The following UNC13B variants were observed in gnomAD, a reference collection of about 807,000 sequenced individuals.
UNC13B encodes the protein protein unc-13 homolog B.
UNC13B carries 144 observed loss-of-function variants against 211.0 expected under a neutral mutation model. The ratio of observed to expected loss-of-function variants is 0.68; its 90% confidence interval spans 0.60 to 0.78. The LOEUF is 0.78. Ranked by LOEUF, UNC13B falls within the 30% of genes least tolerant of loss-of-function variation. UNC13B has a pLI of 0.00. For missense variants in UNC13B, 1,777 were observed against 2,002.0 expected, an observed-to-expected ratio of 0.89 and a Z score of 2.14; for synonymous variants, 709 against 725.8, an observed-to-expected ratio of 0.98 and a Z score of 0.37.
At position 35,301,267 on chromosome 9, in the gene UNC13B, C is replaced by G. The variant is rs1477944853; in HGVS notation, c.1863C>G (p.His621Gln). The change falls in exon 9 of 40, where the codon CAC (histidine) becomes CAG (glutamine). Residue 621 changes from histidine to glutamine, a missense_variant. His to Gln is a conservative substitution (Grantham distance 24, BLOSUM62 0). Transcript: ENST00000635942. ...DRHRKTSENEHMGNKTGSLYF... is the reference protein window; with the variant it reads ...DRHRKTSENEQMGNKTGSLYF... Reference sequence around the variant, plus strand: ...ATAGAAAAACCTCTGAAAATGAGCACATGGGTAATAAAACTGGGAGTTTAT... The same window carrying G: ...ATAGAAAAACCTCTGAAAATGAGCAGATGGGTAATAAAACTGGGAGTTTAT... 2.5e-6 allele frequency: 1 copy of G among 398,636 alleles called. No homozygotes were observed. The highest frequency in any genetic ancestry group is 4.4e-6 in the Non-Finnish European group (1 of 225,954). The allele number at this position is 398,636 out of a possible 1,614,324, so 24.7% of individuals were successfully genotyped here. A position where few individuals can be genotyped will look rare whatever the true frequency, so the allele number is the denominator to read the frequency against.
chr9:35,368,721 G>GGT (rs1833928920), intron 12 of UNC13B, among the ~76,000 whole-genome samples: 1 of 135,778 alleles, frequency 7.4e-6, no homozygotes, highest in African/African-American at 2.7e-5. Context: ...GTCAGTATCT[G>GGT]TTTTTTTTTT....
chr9:35,367,062 TGGGAAGCA>T, intron 12 of UNC13B, 69 bp downstream of exon 12: 1 of 1,489,584 alleles, frequency 6.7e-7, no homozygotes, highest in Non-Finnish European at 9.4e-7. Context: ...GCTTTTCCCC[TGGGAAGCA>T]GGGGAACCAG....
Position 35,396,878 on chromosome 9 carries a change from A to C in UNC13B, c.11473A>C (p.Asn3825His), listed in dbSNP as rs1835916239. The change falls in exon 28 of 40, where the codon AAT (asparagine) becomes CAT (histidine). Residue 3825 changes from asparagine to histidine, a missense_variant. By Grantham distance (68) the Asn-to-His change is moderately conservative. Coordinates refer to ENST00000635942, the MANE Select transcript of UNC13B (RefSeq NM_001371189.2). ...EQFVLQWLDE[N>H]EDVSLEFLRG... ...GTTCGTGCTACAATGGCTGGATGAG[A>C]ATGAGGATGTATCCCTGGAATTCCT... 1 of 1,614,008 alleles carries C rather than the reference A, an allele frequency of 6.2e-7. No homozygotes were observed. The highest frequency in any genetic ancestry group is 8.5e-7 in the Non-Finnish European group (1 of 1,179,992).
intron 11 of UNC13B, among the ~76,000 whole-genome samples, chr9:35,314,901 T>C (rs954578385): frequency 2.4e-4 from 33 of 138,382 alleles, no homozygotes; most frequent in Admixed American, 6.5e-4. Context: ...TTTTTTTTTT[T>C]TGAGTTCAGG....
In UNC13B at chr9:35,162,243, G is replaced by C. The variant is rs371920951; in HGVS notation, c.-41G>C. ...CTGAGAGGAAAGAGGGAGCGGTCCG[G>C]CGCGGCTGGGGCGCGGCAGAGGCTT... On this transcript the variant is annotated 5_prime_UTR_variant, in exon 1 of 40. Coordinates refer to ENST00000635942, the MANE Select transcript of UNC13B (RefSeq NM_001371189.2). The C allele has an allele frequency of 3.0e-5, 46 of 1,542,296 alleles. No individual in the cohort carries two copies. Among genetic ancestry groups the C allele is most frequent in the Non-Finnish European group, 4.0e-5 (46 of 1,146,862 alleles).
rs747271245 is a variant in UNC13B, at chr9:35,382,510, A to G, written c.10806+3A>G. The G allele has an allele frequency of 2.5e-6, 4 of 1,611,018 alleles. No homozygotes were observed. Among genetic ancestry groups the G allele is most frequent in the East Asian group, 2.2e-5 (1 of 44,864 alleles). On this transcript the variant is annotated splice_donor_region_variant and intron_variant, in intron 21 of 39. Coordinates refer to ENST00000635942, the MANE Select transcript of UNC13B (RefSeq NM_001371189.2). The stretch of plus-strand genomic sequence containing the variant: ...GCTTTGCAGCCTCCAACTTTGGGGT[A>G]AGTATCATGTAAACACATATGTCTG...
intron 11 of UNC13B, chr9:35,361,711 G>A (rs1459307086): frequency 1.3e-5 from 2 of 152,222 alleles, no homozygotes; most frequent in East Asian, 1.9e-4. Flanking sequence ...ACAACATACT[G>A]TCTTAGAAGT....
intron 11 of UNC13B, among the ~76,000 whole-genome samples, chr9:35,329,670 G>A (rs191258705): frequency 2.0e-5 from 3 of 151,800 alleles, no homozygotes; most frequent in African/African-American, 4.8e-5. Flanking sequence ...TATATTTTTT[G>A]TGGAGATGGG....
At chr9:35,183,268 A>C (rs1822074315) in intron 1 of UNC13B, among the ~76,000 whole-genome samples, 1 of 110,842 alleles carries the variant, frequency 9.0e-6, no homozygotes, top group Non-Finnish European at 1.8e-5. Flanking sequence ...GGAGCCCCTC[A>C]CCTCCCAGGC....
Position 35,268,496 on chromosome 9 carries a change from G to A in UNC13B, c.526+9446G>A, listed in dbSNP as rs1008441598. 5.3e-5 allele frequency among the ~76,000 whole-genome samples: 8 copies of A among 152,272 alleles called. No homozygotes were observed. In the East Asian group the frequency reaches 1.4e-3, roughly 26 times the overall value. On this transcript the variant is annotated intron_variant, in intron 7 of 39. Transcript: ENST00000635942. ...TAGCCAGGTGTGGTGGCGGGCACCTGTAATCCTAGCTACTCGGGAGGCTGA... is the reference window on the plus strand; with the variant it reads ...TAGCCAGGTGTGGTGGCGGGCACCTATAATCCTAGCTACTCGGGAGGCTGA...
chr9:35,272,247 G>GT (rs1161586966), intron 7 of UNC13B, among the ~76,000 whole-genome samples: 62 of 123,942 alleles, frequency 5.0e-4, no homozygotes, highest in Admixed American at 1.1e-3. Context: ...TGTTTTTTTT[G>GT]TTTTTTTTTG....
At chr9:35,243,149 C>T (rs1001549670) in intron 5 of UNC13B, 142 bp from the exon 6 acceptor site, 1 of 733,050 alleles carries the variant, frequency 1.4e-6, no homozygotes, top group African/African-American at 1.8e-5. Flanking sequence ...ATGTTCATGA[C>T]AAGAACCAAA....
At chr9:35,389,588 A>G (rs1029374882) in intron 24 of UNC13B, among the ~76,000 whole-genome samples, 2 of 152,208 alleles carry the variant, frequency 1.3e-5, no homozygotes, top group South Asian at 2.1e-4. Flanking sequence ...GAGGATGGGC[A>G]TCCTTATGTC....
In UNC13B at chr9:35,303,598, A is replaced by G. The variant is rs1829789082; in HGVS notation, c.4194A>G (p.Ser1398=). 2.5e-6 allele frequency: 1 copy of G among 398,658 alleles called. No individual in the cohort carries two copies. Among genetic ancestry groups the G allele is most frequent in the Non-Finnish European group, 4.4e-6 (1 of 225,846 alleles). The allele number at this position is 398,658 out of a possible 1,614,324, so 24.7% of individuals were successfully genotyped here. Residue 1398 remains serine, a synonymous_variant, in exon 9 of 40, where the codon TCA becomes TCG. Coordinates refer to ENST00000635942, the MANE Select transcript of UNC13B (RefSeq NM_001371189.2). ...GCTTGTGGCTTGACTCAGAAAACTC[A>G]GTGATAAATTTTTGCCAAAAAGATC... The part of the protein sequence containing the change: ...DACLWLDSEN[S]VINFCQKDQN...
At chr9:35,347,011 C>G (rs1039819927) in intron 11 of UNC13B, among the ~76,000 whole-genome samples, 1 of 152,042 alleles carries the variant, frequency 6.6e-6, no homozygotes. Context: ...AGCGATCCTC[C>G]CACTTCAGCC....
chr9:35,263,423 G>A (rs553343396), intron 7 of UNC13B, among the ~76,000 whole-genome samples: 47 of 150,950 alleles, frequency 3.1e-4, no homozygotes, highest in African/African-American at 1.0e-3. Flanking sequence ...ACCAAAATCC[G>A]TGCATACTCA....
At position 35,386,412 on chromosome 9, in the gene UNC13B, G is replaced by A; in HGVS notation, c.11094+119G>A. 5.8e-6 allele frequency: 8 copies of A among 1,388,420 alleles called. No homozygotes were observed. In the South Asian group the frequency reaches 1.1e-4, roughly 19 times the overall value. 86.0% of individuals were successfully genotyped at this position (1,388,420 alleles called of 1,614,324 possible). ...AAGTACTTGATGTTCTCAAGGGTGA[G>A]TGAGTTGTGGAGTATGAACCATGTG... On this transcript the variant is annotated intron_variant, in intron 24 of 39. Transcript: ENST00000635942.
At position 35,231,217 on chromosome 9, in the gene UNC13B, G is replaced by A; in HGVS notation, c.150G>A (p.Met50Ile). ...GDQPSWEQDF[M>I]FEISRLDLGL... ...AGCCTTCCTGGGAACAGGATTTCATGTTGTAAGTATTTTGCAGCAGCAGTG... is the reference window on the plus strand; with the variant it reads ...AGCCTTCCTGGGAACAGGATTTCATATTGTAAGTATTTTGCAGCAGCAGTG... The change falls in exon 3 of 40, where the codon ATG becomes ATA. Residue 50 changes from methionine to isoleucine, a missense_variant and splice_region_variant. Physicochemically the swap from Met to Ile is conservative, Grantham distance 10 (BLOSUM62 1). Transcript: ENST00000635942. The A allele has an allele frequency of 6.2e-7, 1 of 1,608,132 alleles. No individual in the cohort carries two copies.
chr9:35,189,735 T>C (rs2131336358), intron 1 of UNC13B, among the ~76,000 whole-genome samples: 1 of 152,314 alleles, frequency 6.6e-6, no homozygotes, highest in East Asian at 1.9e-4. Context: ...AAAGGCGTGA[T>C]CCCGGCTCAC....
Sources: gnomAD v4.1 joint callset for allele counts (sites outside exome capture counted in the v4.1 genomes callset) on GRCh38, gnomAD v4.1.1 for gene constraint, MANE v1.5 for transcripts, NCBI Gene and HGNC (gene_info 2026-07-23, HGNC 2026-07-21) for gene names.